Variants in CAMK2D observed in about 807,000 individuals in gnomAD.
The protein encoded by CAMK2D is calcium/calmodulin dependent protein kinase II delta.
A neutral mutation model predicts 84.0 loss-of-function variants in CAMK2D; 37 were observed. The ratio of observed to expected loss-of-function variants is 0.44; its 90% confidence interval spans 0.34 to 0.58. The LOEUF (loss-of-function observed/expected upper bound fraction) is 0.58, where lower values mean the gene tolerates loss of function less well. CAMK2D is among the 20% of genes least tolerant of loss of function. CAMK2D has a pLI of 0.02. For synonymous variants in CAMK2D, 202 were observed against 212.5 expected, an observed-to-expected ratio of 0.95 and a Z score of 0.43; for missense variants, 448 against 652.5, an observed-to-expected ratio of 0.69 and a Z score of 3.41.
intron 3 of CAMK2D, among the ~76,000 whole-genome samples, chr4:113,646,675 G>C (rs914532069): frequency 1.3e-5 from 2 of 152,328 alleles, no homozygotes; most frequent in African/African-American, 4.8e-5. Flanking sequence ...GAGCAACTGA[G>C]GGGGAGAGAA....
At chr4:113,587,811 C>T (rs1168005385) in intron 4 of CAMK2D, among the ~76,000 whole-genome samples, 1 of 152,114 alleles carries the variant, frequency 6.6e-6, no homozygotes, top group Non-Finnish European at 1.5e-5. Context: ...ACACGCTAGT[C>T]ATAGTCCCCA....
intron 3 of CAMK2D, among the ~76,000 whole-genome samples, chr4:113,640,675 A>G (rs1221388969): frequency 6.6e-6 from 1 of 152,174 alleles, no homozygotes; most frequent in Non-Finnish European, 1.5e-5. Context: ...TATGAGAGCA[A>G]TTTCTTAGGA....
chr4:113,744,559 A>G (rs989397663), intron 2 of CAMK2D, among the ~76,000 whole-genome samples: 1 of 152,088 alleles, frequency 6.6e-6, no homozygotes, highest in African/African-American at 2.4e-5. Context: ...ATTTCCCTAC[A>G]CCACTATCCT....
At chr4:113,597,413 T>G (rs1026996222) in intron 4 of CAMK2D, among the ~76,000 whole-genome samples, 1 of 152,238 alleles carries the variant, frequency 6.6e-6, no homozygotes, top group South Asian at 2.1e-4. Context: ...TTTTTTGTTA[T>G]GGACATGGCT....
chr4:113,728,266 G>A (rs529923522), intron 2 of CAMK2D, among the ~76,000 whole-genome samples: 2 of 152,078 alleles, frequency 1.3e-5, no homozygotes, highest in Non-Finnish European at 2.9e-5. Flanking sequence ...TCCCTCAACA[G>A]GTGAAATGGA....
At chr4:113,704,085 T>C (rs1457091814) in intron 2 of CAMK2D, among the ~76,000 whole-genome samples, 1 of 152,104 alleles carries the variant, frequency 6.6e-6, no homozygotes, top group African/African-American at 2.4e-5. Flanking sequence ...AAGCACAGTA[T>C]TATTCTTAAA....
At chr4:113,486,980 T>C (rs1041331090) in intron 16 of CAMK2D, among the ~76,000 whole-genome samples, 8 of 152,238 alleles carry the variant, frequency 5.3e-5, no homozygotes, top group Admixed American at 3.3e-4. Context: ...TAGAAGACTA[T>C]ACATTACAGG....
chr4:113,593,888 T>C (rs1201221349), intron 4 of CAMK2D, among the ~76,000 whole-genome samples: 2 of 152,056 alleles, frequency 1.3e-5, no homozygotes, highest in African/African-American at 2.4e-5. Context: ...CCACTATTAT[T>C]ATTGAAGGCT....
intron 16 of CAMK2D, among the ~76,000 whole-genome samples, chr4:113,486,222 C>T (rs570269225): frequency 6.6e-6 from 1 of 152,046 alleles, no homozygotes; most frequent in South Asian, 2.1e-4. Context: ...TATTGAACTC[C>T]TGGCCTCCTC....
intron 17 of CAMK2D, among the ~76,000 whole-genome samples, chr4:113,462,809 A>C (rs958205187): frequency 6.6e-6 from 1 of 152,090 alleles, no homozygotes. Context: ...TAACAATAAC[A>C]AACACAACTT....
intron 7 of CAMK2D, among the ~76,000 whole-genome samples, chr4:113,535,114 T>C (rs1160884785): frequency 6.6e-6 from 1 of 152,172 alleles, no homozygotes; most frequent in Non-Finnish European, 1.5e-5. Flanking sequence ...CCTGATATCC[T>C]ATCATCATCT....
rs1383505904 is a variant in CAMK2D, at chr4:113,669,860, CA to C, written c.161-8089del. On this transcript the variant is annotated intron_variant, in intron 2 of 20. Transcript: ENST00000511664. ...ACCTTCAGGAGAAAGAGGATCCAAG[CA>C]GTACTCAGTAGGTCAGAGTCAAGAC... Among the ~76,000 whole-genome samples the C allele has an allele frequency of 3.9e-5, 6 of 152,162 alleles. No individual in the cohort carries two copies. In the East Asian group the frequency reaches 1.2e-3, roughly 29 times the overall value.
At chr4:113,468,690 G>A (rs924833514) in intron 16 of CAMK2D, among the ~76,000 whole-genome samples, 2 of 150,596 alleles carry the variant, frequency 1.3e-5, no homozygotes, top group African/African-American at 4.8e-5. Context: ...AAGTTGTGTG[G>A]GGAGGGGGTC....
intron 16 of CAMK2D, among the ~76,000 whole-genome samples, chr4:113,477,978 C>T (rs191335325): frequency 1.5e-3 from 231 of 151,986 alleles, no homozygotes; most frequent in African/African-American, 5.1e-3. Flanking sequence ...GTGAGTATGA[C>T]TCCTTCAAAA....
At chr4:113,615,136 C>G (rs2099016025) in intron 3 of CAMK2D, among the ~76,000 whole-genome samples, 1 of 152,036 alleles carries the variant, frequency 6.6e-6, no homozygotes, top group Admixed American at 6.6e-5. Context: ...AAGTCAGATC[C>G]TTTTTATATT....
intron 3 of CAMK2D, among the ~76,000 whole-genome samples, chr4:113,635,577 A>C (rs1435332558): frequency 6.6e-6 from 1 of 152,226 alleles, no homozygotes; most frequent in Non-Finnish European, 1.5e-5. Context: ...TTGTACTTGA[A>C]AGCTGGTACT....
Position 113,515,099 on chromosome 4 carries a change from G to A in CAMK2D, c.789C>T (p.Ala263=). Residue 263 remains alanine (A), a synonymous_variant, in exon 10 of 21, where the codon GCC becomes GCT. Transcript: ENST00000511664. ...LTINPAKRIT[A]SEALKHPWIC... ...TCCATGGGTGCTTCAGTGCCTCTGA[G>A]GCTGTGATGCGTTTGGCAGGGTTGA... The A allele has an allele frequency of 6.2e-7, 1 of 1,613,482 alleles. No individual in the cohort carries two copies. Among genetic ancestry groups the A allele is most frequent in the Non-Finnish European group, 8.5e-7 (1 of 1,179,502 alleles).
intron 4 of CAMK2D, among the ~76,000 whole-genome samples, chr4:113,555,842 C>A (rs2098660949): frequency 6.6e-6 from 1 of 152,018 alleles, no homozygotes; most frequent in Non-Finnish European, 1.5e-5. Context: ...GGAGGTGGGG[C>A]CTGTGGGAGG....
chr4:113,672,617 C>T (rs1039701296), intron 2 of CAMK2D, among the ~76,000 whole-genome samples: 1 of 150,912 alleles, frequency 6.6e-6, no homozygotes, highest in Middle Eastern at 3.5e-3. Flanking sequence ...AACTACAATC[C>T]CCAAGTTAAA....
Sources: allele counts gnomAD v4.1 joint callset (sites outside exome capture counted in the v4.1 genomes callset), GRCh38; gene constraint gnomAD v4.1.1; transcripts MANE v1.5; gene names NCBI Gene and HGNC (gene_info 2026-07-23, HGNC 2026-07-21).